Variants in SOCS6 observed in about 807,000 individuals in gnomAD.
The protein encoded by SOCS6 is suppressor of cytokine signaling 6, also known as STAT induced STAT inhibitor-4.
A neutral mutation model predicts 27.7 loss-of-function variants in SOCS6; 5 were observed. The observed-to-expected ratio is 0.18, with a 90% CI of 0.09 to 0.38. SOCS6 has a LOEUF of 0.38. Among genes scored for constraint, SOCS6 ranks in the 10% least tolerant of loss-of-function variants. SOCS6 has a pLI of 1.00. For missense variants in SOCS6, 595 were observed against 688.1 expected (o/e 0.86, Z 1.51); for synonymous variants, 271 against 260.0 (o/e 1.04, Z -0.41).
chr18:70,302,173 G>A (rs186057430), intron 1 of SOCS6, among the ~76,000 whole-genome samples: 1 of 152,178 alleles, frequency 6.6e-6, no homozygotes, highest in Admixed American at 6.5e-5. Flanking sequence ...CTGACGGTGG[G>A]GGCCCTTGAG....
At chr18:70,312,835 G>A (rs1028175738) in intron 1 of SOCS6, among the ~76,000 whole-genome samples, 2 of 147,758 alleles carry the variant, frequency 1.4e-5, no homozygotes, top group South Asian at 2.1e-4. Flanking sequence ...GTGCAGTGGC[G>A]TGATCTTGGC....
Position 70,305,849 on chromosome 18 carries a change from C to T in SOCS6, c.-127+16759C>T, listed in dbSNP as rs78474017. 2.1e-4 allele frequency among the ~76,000 whole-genome samples: 32 copies of T among 151,948 alleles called. 2 individuals are homozygous for T. The East Asian group carries it at 6.0e-3, about 28-fold the overall frequency. On this transcript the variant is annotated intron_variant, in intron 1 of 1. Transcript: ENST00000397942. ...CTTAATTCACTTTTGGTGTGCTAGT[C>T]GTTTTATTGTTGCTAGGTTTGTAGG...
intron 1 of SOCS6, among the ~76,000 whole-genome samples, chr18:70,309,939 G>A (rs2062383765): frequency 6.6e-6 from 1 of 152,206 alleles, no homozygotes; most frequent in African/African-American, 2.4e-5. Context: ...TCCTGCCTCA[G>A]CCTCCCAGAA....
In SOCS6 at chr18:70,297,003, CTGTTGT is replaced by C. The variant is rs755251752; in HGVS notation, c.-127+7933_-127+7938del. On this transcript the variant is annotated intron_variant, in intron 1 of 1. Transcript: ENST00000397942. The stretch of plus-strand genomic sequence containing the variant: ...TAGCTTTTTTCTCCATTTTTCTTGT[CTGTTGT>C]TGTTGTTGTTGTTGTTGTTCTTTGG... Among the ~76,000 whole-genome samples, 18 of 122,056 alleles carry C rather than the reference CTGTTGT, an allele frequency of 1.5e-4. No homozygotes were observed. The South Asian group carries it at 1.6e-3, about 11-fold the overall frequency. The allele number at this position is 122,056 out of a possible 152,430, so 80.1% of individuals were successfully genotyped here.
At chr18:70,289,512 G>A (rs910097854) in intron 1 of SOCS6, among the ~76,000 whole-genome samples, 3 of 147,188 alleles carry the variant, frequency 2.0e-5, no homozygotes, top group Non-Finnish European at 4.5e-5. Context: ...GGAGAGGCCG[G>A]GGCTCCGCGA....
chr18:70,318,931 C>T (rs1682155), intron 1 of SOCS6, among the ~76,000 whole-genome samples: 5 of 149,754 alleles, frequency 3.3e-5, no homozygotes, highest in African/African-American at 1.2e-4. Flanking sequence ...AGCAAGATTC[C>T]GTCTCACAAA....
intron 1 of SOCS6, chr18:70,296,647 A>G (rs1463624705): frequency 6.6e-6 from 1 of 152,178 alleles, no homozygotes; most frequent in African/African-American, 2.4e-5. Context: ...TTTCAGTGTT[A>G]CTGTTAAGTC....
intron 1 of SOCS6, among the ~76,000 whole-genome samples, chr18:70,314,646 A>G (rs1425550171): frequency 6.6e-6 from 1 of 151,756 alleles, no homozygotes; most frequent in African/African-American, 2.4e-5. Context: ...ACCTAACGAC[A>G]TATTTCTCAG....
At chr18:70,300,019 G>A (rs150590458) in intron 1 of SOCS6, among the ~76,000 whole-genome samples, 1 of 152,128 alleles carries the variant, frequency 6.6e-6, no homozygotes, top group African/African-American at 2.4e-5. Context: ...GACCGTATAC[G>A]TATAAAGACA....
chr18:70,319,551 TGTAATAGTAAATGTA>T (rs1910897178), intron 1 of SOCS6, among the ~76,000 whole-genome samples: 1 of 145,046 alleles, frequency 6.9e-6, no homozygotes, highest in Admixed American at 7.1e-5. Flanking sequence ...GGCACCAAAC[TGTAATAGTAAATGTA>T]GTAATAGTCG....
chr18:70,308,996 T>C (rs1204216226), intron 1 of SOCS6, among the ~76,000 whole-genome samples: 6 of 152,244 alleles, frequency 3.9e-5, no homozygotes, highest in Non-Finnish European at 5.9e-5. Flanking sequence ...AAAAAAGATT[T>C]AGTCTGACAA....
At chr18:70,316,313 CTT>C (rs2062411248) in intron 1 of SOCS6, among the ~76,000 whole-genome samples, 1 of 152,042 alleles carries the variant, frequency 6.6e-6, no homozygotes, top group South Asian at 2.1e-4. Flanking sequence ...TTCTCTCTGA[CTT>C]TTAAAATTTA....
At position 70,324,662 on chromosome 18, in the gene SOCS6, A is replaced by G; in HGVS notation, c.-7A>G. The G allele has an allele frequency of 6.5e-7, 1 of 1,529,990 alleles. No individual in the cohort carries two copies. Among genetic ancestry groups the G allele is most frequent in the Admixed American group, 1.9e-5 (1 of 53,826 alleles). 94.8% of individuals were successfully genotyped at this position (1,529,990 alleles called of 1,614,324 possible). The stretch of plus-strand genomic sequence containing the variant: ...TATTGATCCCTTGGATTAGGTAACT[A>G]GTCATAATGAAGAAAATTAGTCTTA... On this transcript the variant is annotated 5_prime_UTR_variant, in exon 2 of 2. Coordinates refer to ENST00000397942, the MANE Select transcript of SOCS6 (RefSeq NM_004232.4).
chr18:70,300,068 C>T (rs943784916), intron 1 of SOCS6, among the ~76,000 whole-genome samples: 4 of 152,090 alleles, frequency 2.6e-5, no homozygotes, highest in African/African-American at 9.7e-5. Context: ...TTCTTAAATG[C>T]AACTTGTTAA....
chr18:70,289,786 C>T (rs998393290), intron 1 of SOCS6, among the ~76,000 whole-genome samples: 1 of 152,120 alleles, frequency 6.6e-6, no homozygotes, highest in African/African-American at 2.4e-5. Flanking sequence ...GTGTAGGGAC[C>T]GGACGATTGT....
intron 1 of SOCS6, among the ~76,000 whole-genome samples, chr18:70,306,998 T>TA (rs2062372281): frequency 6.6e-6 from 1 of 152,174 alleles, no homozygotes; most frequent in South Asian, 2.1e-4. Flanking sequence ...CATGGTGGCT[T>TA]ACGCCTGTAA....
intron 1 of SOCS6, among the ~76,000 whole-genome samples, chr18:70,297,771 G>A (rs1443900197): frequency 6.6e-6 from 1 of 152,180 alleles, no homozygotes; most frequent in Non-Finnish European, 1.5e-5. Flanking sequence ...AATGATCAAT[G>A]AATGAAGTTT....
intron 1 of SOCS6, among the ~76,000 whole-genome samples, chr18:70,308,433 G>A (rs2062377917): frequency 6.6e-6 from 1 of 151,742 alleles, no homozygotes; most frequent in South Asian, 2.1e-4. Flanking sequence ...TGCTGTCCAG[G>A]CTGGTTTTGA....
chr18:70,323,014 A>C (rs1911046324), intron 1 of SOCS6, among the ~76,000 whole-genome samples: 1 of 152,176 alleles, frequency 6.6e-6, no homozygotes, highest in African/African-American at 2.4e-5. Flanking sequence ...GTTATTCATC[A>C]ATCTGTGTAT....
Sources: gnomAD v4.1 joint callset for allele counts (sites outside exome capture counted in the v4.1 genomes callset) on GRCh38, gnomAD v4.1.1 for gene constraint, MANE v1.5 for transcripts, NCBI Gene and HGNC (gene_info 2026-07-23, HGNC 2026-07-21) for gene names.